CCNJL: variants seen among roughly 807,000 people sequenced by gnomAD.
CCNJL encodes cyclin-J-like protein.
A neutral mutation model predicts 33.4 loss-of-function variants in CCNJL; 33 were observed. That is an observed-to-expected ratio of 0.99 (90% CI 0.75 to 1.32). The LOEUF (loss-of-function observed/expected upper bound fraction) is 1.32, where lower values mean the gene tolerates loss of function less well. CCNJL is among the 40% of genes most tolerant of loss of function. The pLI, the probability that CCNJL is intolerant of heterozygous loss-of-function variation, is 0.00. For synonymous variants in CCNJL, 227 were observed against 220.9 expected, an observed-to-expected ratio of 1.03 and a Z score of -0.24; for missense variants, 512 against 499.7, an observed-to-expected ratio of 1.02 and a Z score of -0.23.
intron 3 of CCNJL, among the ~76,000 whole-genome samples, chr5:160,262,254 G>C (rs747998235): frequency 3.9e-5 from 6 of 152,156 alleles, no homozygotes; most frequent in Non-Finnish European, 8.8e-5. Flanking sequence ...CAATCTCTTA[G>C]AACTGGCAGA....
chr5:160,273,808 G>A (rs142224890), intron 3 of CCNJL, among the ~76,000 whole-genome samples: 2,247 of 151,696 alleles, frequency 0.015, 49 homozygotes, highest in African/African-American at 0.051. Flanking sequence ...CACCACAACC[G>A]GCTAATTTTT....
chr5:160,320,792 TC>T (rs1321931821), intron 1 of CCNJL, among the ~76,000 whole-genome samples: 3 of 31,976 alleles, frequency 9.4e-5, no homozygotes, highest in African/African-American at 2.9e-4. Context: ...TTCTTTCCTT[TC>T]TTTCTTTCTT....
upstream of CCNJL, among the ~76,000 whole-genome samples, chr5:160,316,919 A>G (rs1229321795): frequency 5.9e-5 from 9 of 152,202 alleles, no homozygotes; most frequent in Non-Finnish European, 8.8e-5. Context: ...ACTGCAGTGA[A>G]TATCCTGACA....
intron 5 of CCNJL, chr5:160,254,287 T>C: frequency 6.1e-6 from 4 of 654,650 alleles, no homozygotes; most frequent in Admixed American, 5.0e-5. Flanking sequence ...CTAGCTGATA[T>C]CAACCAAATT....
chr5:160,275,541 G>C (rs2113326930), intron 3 of CCNJL, among the ~76,000 whole-genome samples: 1 of 152,152 alleles, frequency 6.6e-6, no homozygotes, highest in Non-Finnish European at 1.5e-5. Flanking sequence ...CTGGAGTGCA[G>C]TGTCAAGATC....
chr5:160,285,551 T>C (rs1252409594), intron 2 of CCNJL, among the ~76,000 whole-genome samples: 1 of 152,200 alleles, frequency 6.6e-6, no homozygotes, highest in Non-Finnish European at 1.5e-5. Flanking sequence ...TGACCAACTC[T>C]ACAGAGTAGC....
intron 2 of CCNJL, among the ~76,000 whole-genome samples, chr5:160,298,683 C>T (rs1353720244): frequency 1.3e-5 from 2 of 149,848 alleles, no homozygotes; most frequent in Admixed American, 6.6e-5. Flanking sequence ...TCAGGGACGG[C>T]TTCTCTGAGG....
intron 2 of CCNJL, among the ~76,000 whole-genome samples, chr5:160,310,832 A>G (rs1339568673): frequency 6.6e-6 from 1 of 152,206 alleles, no homozygotes; most frequent in East Asian, 1.9e-4. Context: ...AATGCCAAGG[A>G]TGACCAAGCA....
intron 3 of CCNJL, among the ~76,000 whole-genome samples, chr5:160,275,062 T>C (rs909391431): frequency 6.6e-6 from 1 of 151,418 alleles, no homozygotes; most frequent in Non-Finnish European, 1.5e-5. Context: ...TGAAAACACA[T>C]CTAGGTTTGG....
At chr5:160,283,768 C>T (rs1430918569) in intron 2 of CCNJL, among the ~76,000 whole-genome samples, 2 of 151,492 alleles carry the variant, frequency 1.3e-5, no homozygotes, top group African/African-American at 4.9e-5. Flanking sequence ...TCCCCCACAA[C>T]CCCCACTACC....
intron 1 of CCNJL, among the ~76,000 whole-genome samples, chr5:160,320,821 CTT>C (rs1276179248): frequency 6.5e-5 from 7 of 108,506 alleles, no homozygotes; most frequent in Non-Finnish European, 9.5e-5. Context: ...TTCTTTCTTT[CTT>C]TCTTTCTTTC....
chr5:160,256,675 T>C lies in CCNJL; in HGVS notation c.584-967A>G, dbSNP rs914901191. Among the ~76,000 whole-genome samples, 5 of 152,338 alleles carry C rather than the reference T, an allele frequency of 3.3e-5. No homozygotes were observed. In the East Asian group the frequency reaches 9.6e-4, roughly 29 times the overall value. On this transcript the variant is annotated intron_variant, in intron 4 of 5. Transcript: ENST00000257536. The stretch of plus-strand genomic sequence containing the variant: ...GCTCACATCTGTAATCCCAGCACTT[T>C]GGGAGGCCAAGGCAGGTGGATCACG...
intron 4 of CCNJL, among the ~76,000 whole-genome samples, chr5:160,257,167 C>A (rs1761102398): frequency 6.6e-6 from 1 of 151,648 alleles, no homozygotes; most frequent in African/African-American, 2.4e-5. Flanking sequence ...ATGGCGAGAC[C>A]CCATCTCTAA....
At chr5:160,286,718 T>C (rs1257249278) in intron 2 of CCNJL, among the ~76,000 whole-genome samples, 1 of 152,068 alleles carries the variant, frequency 6.6e-6, no homozygotes, top group African/African-American at 2.4e-5. Context: ...TAGGGGTTAG[T>C]AGGTACAGCG....
chr5:160,266,810 A>G (rs1349974998), intron 3 of CCNJL, among the ~76,000 whole-genome samples: 4 of 152,134 alleles, frequency 2.6e-5, no homozygotes, highest in Non-Finnish European at 5.9e-5. Context: ...AGGCTCCCCT[A>G]CCCTTACCCG....
intron 4 of CCNJL, 111 bp downstream of exon 4, chr5:160,259,358 C>T: frequency 3.3e-6 from 3 of 895,810 alleles, no homozygotes; most frequent in South Asian, 1.7e-5. Flanking sequence ...GTGCACAGGC[C>T]CCAGTGAGAA....
intron 1 of CCNJL, chr5:160,326,681 T>C (rs1763540329): frequency 2.3e-6 from 2 of 870,004 alleles, no homozygotes; most frequent in Admixed American, 3.5e-5. Flanking sequence ...GTGCTCTTTG[T>C]GAAATTCCAC....
chr5:160,295,093 A>G (rs1052903761), intron 2 of CCNJL: 1 of 152,274 alleles, frequency 6.6e-6, no homozygotes, highest in African/African-American at 2.4e-5. Flanking sequence ...ACGCATTCAA[A>G]TCCCCTGGGG....
rs1279124337 is a variant in CCNJL, at chr5:160,253,282, T to C, written c.*96A>G. 2.4e-6 allele frequency: 3 copies of C among 1,240,384 alleles called. No homozygotes were observed. The highest frequency in any genetic ancestry group is 3.0e-5 in the African/African-American group (2 of 66,444). The allele number at this position is 1,240,384 out of a possible 1,614,324, so 76.8% of individuals were successfully genotyped here. A position where few individuals can be genotyped will look rare whatever the true frequency, so the allele number is the denominator to read the frequency against. On this transcript the variant is annotated 3_prime_UTR_variant, in exon 6 of 6. Coordinates refer to ENST00000257536, the MANE Select transcript of CCNJL (RefSeq NM_001308173.3). ...TCCACGTTCCAAGGCTCTTCAGGGA[T>C]GGCCTCCTGCTGCCTCACTTGGCTG...
Sources: gnomAD v4.1 joint callset for allele counts (sites outside exome capture counted in the v4.1 genomes callset) on GRCh38, gnomAD v4.1.1 for gene constraint, MANE v1.5 for transcripts, NCBI Gene and HGNC (gene_info 2026-07-23, HGNC 2026-07-21) for gene names.